Variants in CSMD1 observed in about 807,000 individuals in gnomAD.
The protein encoded by CSMD1 is CUB and sushi domain-containing protein 1.
CSMD1 carries 213 observed loss-of-function variants against 417.5 expected under a neutral mutation model. That is an observed-to-expected ratio of 0.51 (90% CI 0.46 to 0.57). The LOEUF (loss-of-function observed/expected upper bound fraction) is 0.57. Among genes scored for constraint, CSMD1 ranks in the 20% least tolerant of loss-of-function variants. The pLI is 0.00. For synonymous variants in CSMD1, 2,862 were observed against 1,736.8 expected, an observed-to-expected ratio of 1.65 and a Z score of -16.11; for missense variants, 6,923 against 4,529.7, an observed-to-expected ratio of 1.53 and a Z score of -15.17.
At position 4,713,472 on chromosome 8, in the gene CSMD1, G is replaced by A. The variant is rs139374930; in HGVS notation, c.86-75914C>T. Among the ~76,000 whole-genome samples, 102 of 152,212 alleles carry A rather than the reference G, an allele frequency of 6.7e-4. 1 individual carries two copies. The East Asian group carries it at 0.011, about 16-fold the overall frequency. ...GCTGGAGTGCAGTGGCGCGATACCG[G>A]CTCACTGCCATCTCCGCCTCCCGGG... is the stretch of plus-strand genomic sequence containing the variant. On this transcript the variant is annotated intron_variant, in intron 1 of 69. Transcript: ENST00000635120.
chr8:3,591,681 A>G (rs1183789323), intron 8 of CSMD1, among the ~76,000 whole-genome samples: 1 of 152,144 alleles, frequency 6.6e-6, no homozygotes, highest in Admixed American at 6.5e-5. Context: ...CAATAGATAG[A>G]TGAGAGATAG....
rs185423190 is a variant in CSMD1 at position 4,441,807 on chromosome 8, G to T, written c.303-21742C>A. Among the ~76,000 whole-genome samples, 14 of 152,080 alleles carry T rather than the reference G, an allele frequency of 9.2e-5. No individual in the cohort carries two copies. The East Asian group carries it at 1.2e-3, about 13-fold the overall frequency. ...TGTATCACAAGATAAATCAAATAAG[G>T]TTCAATCAAACACTGAAGTTTGAGT... On this transcript the variant is annotated intron_variant, in intron 2 of 69. Coordinates refer to ENST00000635120, the MANE Select transcript of CSMD1 (RefSeq NM_033225.6).
intron 10 of CSMD1, among the ~76,000 whole-genome samples, chr8:3,502,420 T>A (rs1796643344): frequency 6.6e-6 from 1 of 151,138 alleles, no homozygotes; most frequent in Non-Finnish European, 1.5e-5. Flanking sequence ...ACATGTACGT[T>A]TATAGCAACT....
chr8:4,170,449 T>A (rs1450387846), intron 3 of CSMD1, among the ~76,000 whole-genome samples: 1 of 151,932 alleles, frequency 6.6e-6, no homozygotes, highest in Non-Finnish European at 1.5e-5. Context: ...TACTTCCCCT[T>A]TTTCCTAATC....
chr8:3,962,301 G>C (rs1812384136), intron 5 of CSMD1, among the ~76,000 whole-genome samples: 1 of 139,734 alleles, frequency 7.2e-6, no homozygotes, highest in Non-Finnish European at 1.5e-5. Context: ...CATTCAACTT[G>C]GGATTTGGTT....
At chr8:3,640,845 A>C (rs1301584045) in intron 7 of CSMD1, among the ~76,000 whole-genome samples, 1 of 151,496 alleles carries the variant, frequency 6.6e-6, no homozygotes, top group Non-Finnish European at 1.5e-5. Context: ...ATGGAATCTT[A>C]CCTCACTACT....
intron 4 of CSMD1, among the ~76,000 whole-genome samples, chr8:4,026,906 C>T (rs1450041205): frequency 6.6e-6 from 1 of 150,790 alleles, no homozygotes; most frequent in Non-Finnish European, 1.5e-5. Context: ...TGAGCGAATT[C>T]TTTAAAAACC....
chr8:3,840,260 T>A (rs1351910515), intron 5 of CSMD1, among the ~76,000 whole-genome samples: 1 of 151,994 alleles, frequency 6.6e-6, no homozygotes, highest in Non-Finnish European at 1.5e-5. Context: ...AGCCAAATGG[T>A]GAAACAGATG....
chr8:3,802,357 C>G (rs901814842), intron 5 of CSMD1, among the ~76,000 whole-genome samples: 3 of 152,044 alleles, frequency 2.0e-5, no homozygotes, highest in African/African-American at 7.2e-5. Context: ...TATATGTGTG[C>G]ATGTGCTTAT....
chr8:4,315,092 G>T (rs749612388), intron 3 of CSMD1, among the ~76,000 whole-genome samples: 10 of 152,084 alleles, frequency 6.6e-5, no homozygotes, highest in African/African-American at 2.4e-4. Context: ...TCGAGGGAGG[G>T]AAGAGGACAG....
At chr8:3,349,820 T>A (rs1368503823) in intron 21 of CSMD1, among the ~76,000 whole-genome samples, 19 of 143,464 alleles carry the variant, frequency 1.3e-4, no homozygotes, top group African/African-American at 4.6e-4. Flanking sequence ...AATATACATA[T>A]AAAATATATA....
intron 3 of CSMD1, among the ~76,000 whole-genome samples, chr8:4,340,681 G>A (rs1480511649): frequency 6.6e-6 from 1 of 151,988 alleles, no homozygotes; most frequent in Non-Finnish European, 1.5e-5. Context: ...GAGTAGGCTG[G>A]AGTTTATTAG....
At chr8:3,757,441 C>T (rs1024680242) in intron 5 of CSMD1, among the ~76,000 whole-genome samples, 1 of 152,158 alleles carries the variant, frequency 6.6e-6, no homozygotes, top group Non-Finnish European at 1.5e-5. Context: ...TTTTGTGTCA[C>T]AAAATAGTTA....
At position 4,662,349 on chromosome 8, in the gene CSMD1, T is replaced by C. The variant is rs192039998; in HGVS notation, c.86-24791A>G. Among the ~76,000 whole-genome samples the C allele has an allele frequency of 3.1e-3, 472 of 152,286 alleles. 2 individuals carry two copies. The highest frequency in any genetic ancestry group is 4.8e-3 in the Non-Finnish European group (325 of 68,018). ...AAATGAGGGAAAGCAGAGGGGGCGA[T>C]TTATAGGAACATGCATTGTTCCTGA... On this transcript the variant is annotated intron_variant, in intron 1 of 69. Coordinates refer to ENST00000635120, the MANE Select transcript of CSMD1 (RefSeq NM_033225.6).
chr8:4,083,464 A>C (rs946565504), intron 3 of CSMD1, among the ~76,000 whole-genome samples: 5 of 152,292 alleles, frequency 3.3e-5, no homozygotes, highest in Admixed American at 1.3e-4. Flanking sequence ...CAGTAACCAA[A>C]ACAGCATGGT....
At chr8:3,088,843 TA>T (rs5888943) in intron 48 of CSMD1, among the ~76,000 whole-genome samples, 178 of 114,048 alleles carry the variant, frequency 1.6e-3, no homozygotes, top group Middle Eastern at 9.8e-3. Context: ...ACTGTGCTAG[TA>T]AAAAAAAAAA....
chr8:4,370,265 G>A (rs1802321806), intron 3 of CSMD1, among the ~76,000 whole-genome samples: 1 of 151,796 alleles, frequency 6.6e-6, no homozygotes, highest in Non-Finnish European at 1.5e-5. Flanking sequence ...TTCAATACAG[G>A]CTCCCAGTCT....
At chr8:3,110,967 G>T (rs931126067) in intron 42 of CSMD1, among the ~76,000 whole-genome samples, 1 of 152,028 alleles carries the variant, frequency 6.6e-6, no homozygotes, top group Non-Finnish European at 1.5e-5. Flanking sequence ...TTATTTTAAT[G>T]GCAATTATTT....
chr8:4,847,663 C>A (rs936456086), intron 1 of CSMD1, among the ~76,000 whole-genome samples: 1 of 151,998 alleles, frequency 6.6e-6, no homozygotes, highest in African/African-American at 2.4e-5. Context: ...CATGGTTTCT[C>A]CTTAAGCTCT....
Sources: allele counts gnomAD v4.1 joint callset (sites outside exome capture counted in the v4.1 genomes callset), GRCh38; gene constraint gnomAD v4.1.1; transcripts MANE v1.5; gene names NCBI Gene and HGNC (gene_info 2026-07-23, HGNC 2026-07-21).